The following ANKRD18A variants were observed in gnomAD, a reference collection of about 807,000 sequenced individuals.
ANKRD18A encodes the protein ankyrin repeat domain-containing protein 18A.
In ANKRD18A, 72 loss-of-function variants were observed where a neutral mutation model predicts 110.6. The observed-to-expected ratio is 0.65, with a 90% CI of 0.54 to 0.79. The LOEUF (loss-of-function observed/expected upper bound fraction) is 0.79, where lower values mean the gene tolerates loss of function less well. Ranked by LOEUF, ANKRD18A falls within the 30% of genes least tolerant of loss-of-function variation. The pLI is 0.00. For synonymous variants in ANKRD18A, 305 were observed against 410.3 expected (o/e 0.74, Z 3.10); for missense variants, 934 against 1,163.3 (o/e 0.80, Z 2.87).
At position 38,583,624 on chromosome 9, in the gene ANKRD18A, G is replaced by A. The variant is rs1278787172; in HGVS notation, c.2247+2559C>T. Among the ~76,000 whole-genome samples the A allele has an allele frequency of 2.0e-5, 3 of 152,170 alleles. No individual in the cohort carries two copies. In the South Asian group the frequency reaches 6.2e-4, roughly 32 times the overall value. ...AGGATGCTCTCGAACTCCTGACCTC[G>A]TGATCCACCCGCCTTGGCCTCCCAA... On this transcript the variant is annotated intron_variant, in intron 12 of 15. Coordinates refer to ENST00000399703, the MANE Select transcript of ANKRD18A (RefSeq NM_147195.4).
chr9:38,590,260 CTTAT>C lies in ANKRD18A; in HGVS notation c.2005-1601_2005-1598del, dbSNP rs778641141. ...TTGTCCATTTTTTCTTTTTCTTTTT[CTTAT>C]TTATTTTTTTTGAGATGGAGTCACA... On this transcript the variant is annotated intron_variant, in intron 10 of 15. Coordinates refer to ENST00000399703, the MANE Select transcript of ANKRD18A (RefSeq NM_147195.4). Among the ~76,000 whole-genome samples, 291 of 127,978 alleles carry C rather than the reference CTTAT, an allele frequency of 2.3e-3. 1 individual carries two copies. The highest frequency in any genetic ancestry group is 3.7e-3 in the Non-Finnish European group (218 of 58,824). The allele number at this position is 127,978 out of a possible 152,430, so 84.0% of individuals were successfully genotyped here. A position where few individuals can be genotyped will look rare whatever the true frequency, so the allele number is the denominator to read the frequency against.
In ANKRD18A at chr9:38,596,286, C is replaced by T. The variant is rs765211897; in HGVS notation, c.1054G>A (p.Glu352Lys). 3.9e-6 allele frequency: 6 copies of T among 1,537,608 alleles called. No homozygotes were observed. In the South Asian group the frequency reaches 5.0e-5, roughly 13 times the overall value. The change falls in exon 9 of 16, where the codon GAA (glutamate) becomes AAA (lysine). Residue 352 changes from glutamate to lysine, a missense_variant. By Grantham distance (56) the Glu-to-Lys change is moderately conservative (BLOSUM62 1). Transcript: ENST00000399703. ...TTAATTTCCTGAATATATTTCTTTT[C>T]CTTTCTGAGACTGTCATTTTTTATT... ...YAIKNDSLRK[E>K]KKYIQEIKSI...
intron 12 of ANKRD18A, 79 bp downstream of exon 12, chr9:38,586,104 A>G (rs1439822986): frequency 7.5e-7 from 1 of 1,335,890 alleles, no homozygotes; most frequent in African/African-American, 1.6e-5. Context: ...CATGGCACAC[A>G]TTTACCTATG....
intron 8 of ANKRD18A, among the ~76,000 whole-genome samples, chr9:38,597,579 G>A (rs1166314328): frequency 2.0e-5 from 3 of 152,034 alleles, no homozygotes; most frequent in Non-Finnish European, 2.9e-5. Context: ...CTAGCATTTC[G>A]TGGCACCAAA....
intron 4 of ANKRD18A, 132 bp downstream of exon 4, chr9:38,611,083 A>T: frequency 7.0e-7 from 1 of 1,421,366 alleles, no homozygotes; most frequent in Non-Finnish European, 9.2e-7. Context: ...CTGATTATTC[A>T]TGTTACTTTT....
chr9:38,605,116 G>A (rs2118838590), intron 6 of ANKRD18A, among the ~76,000 whole-genome samples: 1 of 152,204 alleles, frequency 6.6e-6, no homozygotes, highest in East Asian at 1.9e-4. Context: ...ATAACTATAA[G>A]CTCCCAGATG....
At chr9:38,598,307 C>T (rs1824976251) in intron 8 of ANKRD18A, among the ~76,000 whole-genome samples, 1 of 152,202 alleles carries the variant, frequency 6.6e-6, no homozygotes, top group Non-Finnish European at 1.5e-5. Context: ...CCATATGCCA[C>T]TTGGAAAACT....
chr9:38,611,948 T>C (rs1408762814), intron 3 of ANKRD18A, among the ~76,000 whole-genome samples: 1 of 152,188 alleles, frequency 6.6e-6, no homozygotes, highest in Non-Finnish European at 1.5e-5. Context: ...TTTTAGGAAC[T>C]AGAGTTTCAG....
Position 38,616,057 on chromosome 9 carries a change from G to C in ANKRD18A, c.207-13C>G. 1 of 1,531,388 alleles carries C rather than the reference G, an allele frequency of 6.5e-7. No homozygotes were observed. The highest frequency in any genetic ancestry group is 1.7e-4 in the Middle Eastern group (1 of 5,860). The allele number at this position is 1,531,388 out of a possible 1,614,324, so 94.9% of individuals were successfully genotyped here. On this transcript the variant is annotated splice_polypyrimidine_tract_variant and intron_variant, in intron 1 of 15. Coordinates refer to ENST00000399703, the MANE Select transcript of ANKRD18A (RefSeq NM_147195.4). Reference sequence around the variant, plus strand: ...ATGTAGAACAGTCCTAGGAGAGCGAGAGGGGTTTTCAGGAAATGTAGTGCA... The same window carrying C: ...ATGTAGAACAGTCCTAGGAGAGCGACAGGGGTTTTCAGGAAATGTAGTGCA...
chr9:38,589,473 C>T (rs1824538788), intron 10 of ANKRD18A, among the ~76,000 whole-genome samples: 2 of 152,328 alleles, frequency 1.3e-5, no homozygotes, highest in Admixed American at 6.5e-5. Flanking sequence ...ATTGTTCTGC[C>T]TCTGTATCCG....
At chr9:38,611,419 T>C (rs189572731) in intron 3 of ANKRD18A, 98 bp from the exon 4 acceptor site, 1 of 1,493,682 alleles carries the variant, frequency 6.7e-7, no homozygotes, top group Non-Finnish European at 8.9e-7. Context: ...AAACATGCAA[T>C]ATAGAGAGAA....
chr9:38,567,547 G>T (rs13293380), downstream of ANKRD18A: 1 of 152,712 alleles, frequency 6.5e-6, no homozygotes, highest in East Asian at 1.9e-4. Context: ...TGATTCTGAT[G>T]TCATCAGCCT....
Position 38,577,060 on chromosome 9 carries a change from A to G in ANKRD18A, c.2734T>C (p.Leu912=). 1 of 1,544,412 alleles carries G rather than the reference A, an allele frequency of 6.5e-7. No homozygotes were observed. The change falls in exon 14 of 16, where the codon TTA becomes CTA. Residue 912 remains leucine (L), a synonymous_variant. Coordinates refer to ENST00000399703, the MANE Select transcript of ANKRD18A (RefSeq NM_147195.4). ...VKANNSMSKK[L]MKSDKKIAVI... ...GTGTATGTTTTGACTTACTTCATTA[A>G]TTTTTTTGACATGGAATTGTTAGCT...
chr9:38,611,415 G>A, intron 3 of ANKRD18A, 94 bp from the exon 4 acceptor site: 1 of 1,493,010 alleles, frequency 6.7e-7, no homozygotes, highest in Non-Finnish European at 8.9e-7. Context: ...ACTTAAACAT[G>A]CAATATAGAG....
intron 12 of ANKRD18A, among the ~76,000 whole-genome samples, chr9:38,580,446 T>C (rs1824109690): frequency 6.6e-6 from 1 of 152,086 alleles, no homozygotes; most frequent in African/African-American, 2.4e-5. Flanking sequence ...AAAAAGCTCA[T>C]AGAAGTAGGA....
At chr9:38,579,731 A>T (rs111697499) in intron 12 of ANKRD18A, among the ~76,000 whole-genome samples, 4,897 of 152,320 alleles carry the variant, frequency 0.032, 111 homozygotes, top group African/African-American at 0.057. Flanking sequence ...GTTCGTGGGA[A>T]GGTAAATTAG....
At chr9:38,573,715 A>G (rs1474224152) in intron 15 of ANKRD18A, among the ~76,000 whole-genome samples, 1 of 152,110 alleles carries the variant, frequency 6.6e-6, no homozygotes, top group Non-Finnish European at 1.5e-5. Flanking sequence ...CTCCATCTCA[A>G]AAAAAAGAAA....
At chr9:38,574,256 G>A (rs1195093828) in intron 15 of ANKRD18A, among the ~76,000 whole-genome samples, 2 of 152,186 alleles carry the variant, frequency 1.3e-5, no homozygotes, top group African/African-American at 4.8e-5. Context: ...TGGCTGCATA[G>A]TATTTGGTAT....
intron 15 of ANKRD18A, among the ~76,000 whole-genome samples, chr9:38,574,174 G>T (rs553452584): frequency 2.6e-5 from 4 of 152,264 alleles, no homozygotes; most frequent in African/African-American, 7.2e-5. Context: ...CTGTTTCTGC[G>T]TTAGTTTCCT....
Sources: allele counts gnomAD v4.1 joint callset (sites outside exome capture counted in the v4.1 genomes callset), GRCh38; gene constraint gnomAD v4.1.1; transcripts MANE v1.5; gene names NCBI Gene and HGNC (gene_info 2026-07-23, HGNC 2026-07-21).